CACNB3: variants seen among roughly 807,000 people sequenced by gnomAD.
CACNB3 encodes calcium voltage-gated channel auxiliary subunit beta 3.
A neutral mutation model predicts 63.7 loss-of-function variants in CACNB3; 36 were observed. That is an observed-to-expected ratio of 0.57 (90% confidence interval 0.43 to 0.75). CACNB3 has a LOEUF of 0.75. CACNB3 is among the 30% of genes least tolerant of loss of function. CACNB3 has a pLI of 0.00. For synonymous variants in CACNB3, 241 were observed against 250.6 expected, an observed-to-expected ratio of 0.96 and a Z score of 0.36; for missense variants, 493 against 648.6, an observed-to-expected ratio of 0.76 and a Z score of 2.61.
upstream of CACNB3, chr12:48,816,911 T>G (rs1565662004): frequency 7.1e-6 from 7 of 985,418 alleles, no homozygotes; most frequent in Middle Eastern, 5.2e-4. Context: ...AGGGTCTTAC[T>G]CTTTGACACC....
upstream of CACNB3, chr12:48,817,237 A>C (rs563124194): frequency 6.5e-6 from 1 of 153,418 alleles, no homozygotes. Context: ...TGTCTTGCCA[A>C]GATAACACCG....
chr12:48,814,645 CTG>C, upstream of CACNB3: 2 of 1,293,856 alleles, frequency 1.5e-6, no homozygotes, highest in Non-Finnish European at 2.1e-6. This position sits in a 1 kb window ranked among gnomAD's most constrained non-coding sequence, Gnocchi z 6.9. Flanking sequence ...GGGTCTCCTA[CTG>C]GGGGTCTCGA....
chr12:48,816,920 C>T (rs1942300652), upstream of CACNB3: 1 of 985,246 alleles, frequency 1.0e-6, no homozygotes, highest in Admixed American at 6.1e-5. Context: ...CTCTTTGACA[C>T]CTCTCCAGGC....
chr12:48,818,594 C>T lies in CACNB3; in HGVS notation c.-336C>T. On this transcript the variant is annotated 5_prime_UTR_variant, in exon 1 of 13. Transcript: ENST00000301050. The surrounding 1 kb of genome is among the most constrained non-coding windows in gnomAD (Gnocchi z 4.3). ...CTCTCCCGGCCTGGCCCGGGCTCCC[C>T]GGTGGCCGCCGCCCCCTCGCCGCCC... The T allele has an allele frequency of 9.2e-7, 1 of 1,091,122 alleles. No individual in the cohort carries two copies. The highest frequency in any genetic ancestry group is 1.1e-6 in the Non-Finnish European group (1 of 898,652). 67.6% of individuals were successfully genotyped at this position (1,091,122 alleles called of 1,614,324 possible).
In CACNB3 at chr12:48,823,824, C is replaced by G; in HGVS notation, c.291+21C>G. The G allele has an allele frequency of 3.7e-6, 6 of 1,613,706 alleles. No homozygotes were observed. The highest frequency in any genetic ancestry group is 5.1e-6 in the Non-Finnish European group (6 of 1,179,828). On this transcript the variant is annotated intron_variant, in intron 3 of 12. Transcript: ENST00000301050. The surrounding 1 kb of genome is among the most constrained non-coding windows in gnomAD (Gnocchi z 4.2). ...AAGAGGTGATCGACCCCCCTACTTC[C>G]AGAAGCCTCTAACTTCATTTTCTTG...
chr12:48,827,675 C>T lies in CACNB3; in HGVS notation c.1231C>T (p.Arg411Cys), dbSNP rs146819236. ...MPSDEASESS[R>C]QAWTGSSQRS... ...CTCTGATGAGGCCAGCGAGAGCTCCCGCCAAGCCTGGACAGGATCTTCACA... is the reference window on the plus strand; with the variant it reads ...CTCTGATGAGGCCAGCGAGAGCTCCTGCCAAGCCTGGACAGGATCTTCACA... The change falls in exon 13 of 13, where the codon CGC (arginine) becomes TGC (cysteine). Residue 411 changes from arginine to cysteine, a missense_variant. Coordinates refer to ENST00000301050, the MANE Select transcript of CACNB3 (RefSeq NM_000725.4). The T allele has an allele frequency of 9.3e-6, 15 of 1,613,918 alleles. No individual in the cohort carries two copies. Among genetic ancestry groups the T allele is most frequent in the South Asian group, 4.4e-5 (4 of 91,082 alleles).
At chr12:48,815,715 T>A, upstream of CACNB3, 2 of 1,076,284 alleles carry the variant, frequency 1.9e-6, no homozygotes, top group Non-Finnish European at 2.5e-6. Flanking sequence ...AGTGCAACCT[T>A]CCTGCTGAAC....
In CACNB3 at chr12:48,825,046, G is replaced by A; in HGVS notation, c.492+78G>A. 1.3e-6 allele frequency: 2 copies of A among 1,591,544 alleles called. No homozygotes were observed. Among genetic ancestry groups the A allele is most frequent in the Non-Finnish European group, 1.7e-6 (2 of 1,159,960 alleles). ...GACAGTGTTCTAGGCAGTCATTGTT[G>A]GAGGGCAGAACAGAGAGGGGAGGGA... On this transcript the variant is annotated intron_variant, in intron 6 of 12. Transcript: ENST00000301050. This position sits in a 1 kb window ranked among gnomAD's most constrained non-coding sequence, Gnocchi z 4.5.
chr12:48,824,357 C>G lies in CACNB3; in HGVS notation c.391C>G (p.Gln131Glu). ...PQRLESIRLK[Q>E]EQKARRSGNP... ...GCGCCTGGAGAGCATCCGGCTCAAA[C>G]AGGAGCAGAAGGCCAGGTGAGAGTT... Residue 131 changes from glutamine to glutamate, a missense_variant, in exon 4 of 13, where the codon CAG (glutamine) becomes GAG (glutamate). Physicochemically the swap from Gln to Glu is conservative, Grantham distance 29. Transcript: ENST00000301050. 6.2e-7 allele frequency: 1 copy of G among 1,608,256 alleles called. No individual in the cohort carries two copies.
Position 48,826,303 on chromosome 12 carries a change from A to G in CACNB3, c.743-64A>G. 1 of 1,571,946 alleles carries G rather than the reference A, an allele frequency of 6.4e-7. No individual in the cohort carries two copies. Among genetic ancestry groups the G allele is most frequent in the African/African-American group, 1.3e-5 (1 of 74,078 alleles). ...CCTGTCCACCATTCGGGAGCCCTCAAAGCCTGCTGGAGTGAGCAGTGGGCA... is the reference window on the plus strand; with the variant it reads ...CCTGTCCACCATTCGGGAGCCCTCAGAGCCTGCTGGAGTGAGCAGTGGGCA... On this transcript the variant is annotated intron_variant, in intron 9 of 12. Coordinates refer to ENST00000301050, the MANE Select transcript of CACNB3 (RefSeq NM_000725.4). The surrounding 1 kb of genome is among the most constrained non-coding windows in gnomAD (Gnocchi z 4.8).
At chr12:48,827,329 T>C (rs1341330015) in intron 12 of CACNB3, among the ~76,000 whole-genome samples, 2 of 152,166 alleles carry the variant, frequency 1.3e-5, no homozygotes, top group African/African-American at 4.8e-5. Flanking sequence ...ACGTCAGAGA[T>C]TAGTTTCCTA....
Position 48,818,950 on chromosome 12 carries a change from G to T in CACNB3, c.21G>T (p.Val7=), listed in dbSNP as rs1937689722. 6.9e-6 allele frequency: 11 copies of T among 1,604,054 alleles called. No individual in the cohort carries two copies. Among genetic ancestry groups the T allele is most frequent in the Non-Finnish European group, 9.4e-6 (11 of 1,175,474 alleles). Residue 7 remains valine (V), a synonymous_variant, in exon 1 of 13, where the codon GTG becomes GTT. Coordinates refer to ENST00000301050, the MANE Select transcript of CACNB3 (RefSeq NM_000725.4). This position sits in a 1 kb window ranked among gnomAD's most constrained non-coding sequence, Gnocchi z 4.3. The part of the protein sequence containing the change: MYDDSY[V]PGFEDSEAGS... ...CCCCCATGTATGACGACTCCTACGT[G>T]CCCGGGTTTGAGGACTCGGAGGCGG...
At chr12:48,822,468 C>A (rs111316188) in intron 1 of CACNB3, among the ~76,000 whole-genome samples, 2 of 152,284 alleles carry the variant, frequency 1.3e-5, no homozygotes, top group African/African-American at 2.4e-5. Context: ...CCCACATCCC[C>A]GGGGTCCTGC....
chr12:48,815,666 G>A, upstream of CACNB3: 1 of 1,519,160 alleles, frequency 6.6e-7, no homozygotes. Context: ...GGGGGAGGGG[G>A]AGAGGCCGCT....
In CACNB3 at chr12:48,826,853, C is replaced by T. The variant is rs754339233; in HGVS notation, c.989C>T (p.Pro330Leu). The change falls in exon 11 of 13, where the codon CCG (proline) becomes CTG (leucine). Residue 330 changes from proline (P) to leucine (L), a missense_variant and splice_region_variant. By Grantham distance (98) the Pro-to-Leu change is moderately conservative (BLOSUM62 -3). Coordinates refer to ENST00000301050, the MANE Select transcript of CACNB3 (RefSeq NM_000725.4). The surrounding 1 kb of genome is among the most constrained non-coding windows in gnomAD (Gnocchi z 4.8). ...TATGATAAGCTGGTTCAGTGCCCAC[C>T]GGTGAGTGCCTGGGTCAGCTGCTCC... The part of the protein sequence containing the change: ...MAYDKLVQCP[P>L]ESFDVILDEN... 3 of 1,613,416 alleles carry T rather than the reference C, an allele frequency of 1.9e-6. No individual in the cohort carries two copies. The highest frequency in any genetic ancestry group is 2.7e-5 in the African/African-American group (2 of 74,908).
chr12:48,824,120 C>T, intron 3 of CACNB3, 138 bp from the exon 4 acceptor site: 1 of 766,294 alleles, frequency 1.3e-6, no homozygotes, highest in Non-Finnish European at 2.1e-6. Flanking sequence ...TTTCCCCTGG[C>T]CCCTTCTGCC....
upstream of CACNB3, chr12:48,815,367 AGGACAGTGGGAG>A: frequency 2.5e-6 from 1 of 404,828 alleles, no homozygotes; most frequent in Non-Finnish European, 4.5e-6. Flanking sequence ...TGGGGATGGA[AGGACAGTGGGAG>A]GCACACGGAA....
In CACNB3 at chr12:48,823,050, A is replaced by AG. The variant is rs1238942941; in HGVS notation, c.46-290dup. On this transcript the variant is annotated intron_variant, in intron 1 of 12. Transcript: ENST00000301050. This position sits in a 1 kb window ranked among gnomAD's most constrained non-coding sequence, Gnocchi z 4.2. ...TCCCTCGGCTCAGAGGACATGTTAGAGGGGAGAAAAGGGAGGAAAGAGAGA... is the reference window on the plus strand; with the variant it reads ...TCCCTCGGCTCAGAGGACATGTTAGAGGGGGAGAAAAGGGAGGAAAGAGAGA... Among the ~76,000 whole-genome samples, 1 of 152,120 alleles carries AG rather than the reference A, an allele frequency of 6.6e-6. No homozygotes were observed. Among genetic ancestry groups the AG allele is most frequent in the African/African-American group, 2.4e-5 (1 of 41,410 alleles).
chr12:48,816,400 T>C (rs1470545619), upstream of CACNB3, among the ~76,000 whole-genome samples: 1 of 152,178 alleles, frequency 6.6e-6, no homozygotes, highest in Non-Finnish European at 1.5e-5. Context: ...CCCTCAGCTC[T>C]CTCCCTTTAT....
Sources: allele counts gnomAD v4.1 joint callset (sites outside exome capture counted in the v4.1 genomes callset), GRCh38; gene constraint gnomAD v4.1.1; non-coding constraint Gnocchi (gnomAD v3.1); transcripts MANE v1.5; gene names NCBI Gene and HGNC (gene_info 2026-07-23, HGNC 2026-07-21).